DDX60: variants seen among roughly 807,000 people sequenced by gnomAD.
The protein encoded by DDX60 is DExD/H-box helicase 60, also known as probable ATP-dependent RNA helicase DDX60.
A neutral mutation model predicts 212.8 loss-of-function variants in DDX60; 165 were observed. The observed-to-expected ratio is 0.78, with a 90% CI of 0.68 to 0.88. The LOEUF is 0.88. Among genes scored for constraint, DDX60 ranks in the 40% least tolerant of loss-of-function variants. The probability of loss-of-function intolerance (pLI) is 0.00; values close to 1 mark genes in which losing one functional copy is unlikely to be tolerated. For missense variants in DDX60, 1,905 were observed against 2,003.9 expected, an observed-to-expected ratio of 0.95 and a Z score of 0.94; for synonymous variants, 703 against 685.3, an observed-to-expected ratio of 1.03 and a Z score of -0.40.
intron 30 of DDX60, 92 bp downstream of exon 30, chr4:168,246,326 G>T: frequency 7.0e-7 from 1 of 1,429,176 alleles, no homozygotes. Context: ...AAACTCAAGG[G>T]TGATTGCTAC....
intron 18 of DDX60, among the ~76,000 whole-genome samples, chr4:168,272,476 T>C (rs781318905): frequency 8.5e-5 from 13 of 152,224 alleles, no homozygotes; most frequent in East Asian, 3.8e-4. Context: ...GATTGAAAGA[T>C]GTTTATTAAG....
At position 168,251,033 on chromosome 4, in the gene DDX60, C is replaced by T. The variant is rs1734202340; in HGVS notation, c.3779G>A (p.Gly1260Asp). The T allele has an allele frequency of 1.2e-6, 2 of 1,612,622 alleles. No homozygotes were observed. Among genetic ancestry groups the T allele is most frequent in the Non-Finnish European group, 1.7e-6 (2 of 1,178,922 alleles). Reference sequence around the variant, plus strand: ...CATAGCACTGTGATGATATCCAATACCCCTTTCTGCCAAGGCTTTCAATTC... The same window carrying T: ...CATAGCACTGTGATGATATCCAATATCCCTTTCTGCCAAGGCTTTCAATTC... Reference protein sequence around the residue: ...GEELKALAERGIGYHHSAMSF... With the variant: ...GEELKALAERDIGYHHSAMSF... Residue 1260 changes from glycine to aspartate, a missense_variant, in exon 28 of 38, where the codon GGT becomes GAT. Physicochemically the swap from Gly to Asp is moderately conservative, Grantham distance 94. Transcript: ENST00000393743.
intron 6 of DDX60, among the ~76,000 whole-genome samples, chr4:168,294,543 C>T (rs1437518456): frequency 1.3e-5 from 2 of 152,028 alleles, no homozygotes; most frequent in Non-Finnish European, 2.9e-5. Context: ...CTCTATCACC[C>T]AGACTGGAGT....
intron 33 of DDX60, among the ~76,000 whole-genome samples, chr4:168,225,906 T>C (rs1578968669): frequency 1.3e-5 from 2 of 152,206 alleles, no homozygotes; most frequent in Admixed American, 1.3e-4. Context: ...CCCTTAAAAA[T>C]GTATTTTGAC....
In DDX60 at chr4:168,248,291, A is replaced by G. The variant is rs761241287; in HGVS notation, c.3860T>C (p.Val1287Ala). Residue 1287 changes from valine (V) to alanine (A), a missense_variant and splice_region_variant, in exon 29 of 38, where the codon GTG (valine) becomes GCG (alanine). Physicochemically the swap from Val to Ala is moderately conservative, Grantham distance 64 (BLOSUM62 0). Transcript: ENST00000393743. ...EILFRKGYLR[V>A]VTATGTLALG... The stretch of plus-strand genomic sequence containing the variant: ...AGCAAGTGTTCCAGTAGCTGTCACC[A>G]CCTTGAAAGAGAATAAAACAATTAC... The G allele has an allele frequency of 1.3e-5, 21 of 1,587,246 alleles. No homozygotes were observed. The highest frequency in any genetic ancestry group is 1.8e-5 in the Admixed American group (1 of 54,084).
chr4:168,296,512 C>T (rs1244027545), intron 6 of DDX60, among the ~76,000 whole-genome samples: 1 of 152,064 alleles, frequency 6.6e-6, no homozygotes, highest in African/African-American at 2.4e-5. Context: ...AAACCACTCA[C>T]CCACTACCAA....
At chr4:168,237,007 G>T (rs2149496371) in intron 32 of DDX60, among the ~76,000 whole-genome samples, 1 of 151,232 alleles carries the variant, frequency 6.6e-6, no homozygotes, top group East Asian at 1.9e-4. Flanking sequence ...TTTCTAAAAA[G>T]TGTATATTAT....
At chr4:168,224,052 C>T (rs917653529) in intron 35 of DDX60, among the ~76,000 whole-genome samples, 191 bp downstream of exon 35, 5 of 151,952 alleles carry the variant, frequency 3.3e-5, no homozygotes, top group Non-Finnish European at 5.9e-5. Context: ...GCAGGGTCCT[C>T]AGGCCAACTC....
intron 8 of DDX60, 129 bp downstream of exon 8, chr4:168,291,619 A>G (rs1736106969): frequency 1.6e-6 from 1 of 639,048 alleles, no homozygotes; most frequent in Non-Finnish European, 2.4e-6. Flanking sequence ...TGACTGATGT[A>G]GCCCATTAAA....
At chr4:168,240,915 C>T (rs999102812) in intron 30 of DDX60, among the ~76,000 whole-genome samples, 26 of 152,164 alleles carry the variant, frequency 1.7e-4, no homozygotes, top group African/African-American at 3.9e-4. Flanking sequence ...TGGCTGTGTA[C>T]CCACCCAAAT....
chr4:168,250,854 AG>A, intron 28 of DDX60, 99 bp downstream of exon 28: 1 of 1,048,212 alleles, frequency 9.5e-7, no homozygotes, highest in Non-Finnish European at 1.4e-6. Context: ...CAATTACATG[AG>A]AAAAAAAGAA....
At chr4:168,263,464 T>A (rs1016455545) in intron 22 of DDX60, 1 of 152,238 alleles carries the variant, frequency 6.6e-6, no homozygotes, top group East Asian at 1.9e-4. Context: ...TGTAGAAACA[T>A]ACTCTCTGAG....
At position 168,276,061 on chromosome 4, in the gene DDX60, T is replaced by G; in HGVS notation, c.2099A>C (p.Lys700Thr). ...DDRQLIARCL[K>T]YLGFDELASS... Reference sequence around the variant, plus strand: ...TGCCAACTCATCAAATCCTAAATACTTAAGGCATCTGGCTATGAGTTGCCG... The same window carrying G: ...TGCCAACTCATCAAATCCTAAATACGTAAGGCATCTGGCTATGAGTTGCCG... The change falls in exon 15 of 38, where the codon AAG (lysine) becomes ACG (threonine). Residue 700 changes from lysine (K) to threonine (T), a missense_variant. Transcript: ENST00000393743. 1 of 1,613,628 alleles carries G rather than the reference T, an allele frequency of 6.2e-7. No individual in the cohort carries two copies. The highest frequency in any genetic ancestry group is 1.7e-4 in the Middle Eastern group (1 of 6,056).
chr4:168,288,418 C>T, intron 8 of DDX60, 103 bp from the exon 9 acceptor site: 1 of 786,472 alleles, frequency 1.3e-6, no homozygotes, highest in Admixed American at 3.6e-5. Context: ...CAGGATCATT[C>T]CAATCCTTGT....
At chr4:168,237,634 A>G (rs1733675352) in intron 31 of DDX60, 57 bp downstream of exon 31, 1 of 1,428,372 alleles carries the variant, frequency 7.0e-7, no homozygotes, top group Admixed American at 1.9e-5. Flanking sequence ...TCAGCATGAT[A>G]AGAAATCTAG....
chr4:168,216,920 ATAGACTTTGTTTT>A lies in DDX60; in HGVS notation c.5139_*12del. 1.3e-6 allele frequency: 2 copies of A among 1,556,122 alleles called. No individual in the cohort carries two copies. The highest frequency in any genetic ancestry group is 1.9e-5 in the Admixed American group (1 of 53,226). On this transcript the variant is annotated stop_lost and 3_prime_UTR_variant, in exon 38 of 38. Coordinates refer to ENST00000393743, the MANE Select transcript of DDX60 (RefSeq NM_017631.6). ...ATGGAATTATTTTTAAGTGGTTTGC[ATAGACTTTGTTTT>A]TAGACTTTGTTTAACTTTTCCCAAA...
chr4:168,269,426 G>A (rs903360501), intron 19 of DDX60, among the ~76,000 whole-genome samples: 7 of 151,924 alleles, frequency 4.6e-5, no homozygotes, highest in Admixed American at 2.6e-4. Context: ...GTGAAACCCC[G>A]TCTCCACTAA....
At position 168,216,713 on chromosome 4, in the gene DDX60, C is replaced by A. The variant is rs565866299; in HGVS notation, c.*220G>T. The A allele has an allele frequency of 1.6e-5, 6 of 377,324 alleles. No homozygotes were observed. The East Asian group carries it at 2.8e-4, about 18-fold the overall frequency. The allele number at this position is 377,324 out of a possible 1,614,324, so 23.4% of individuals were successfully genotyped here. A position where few individuals can be genotyped will look rare whatever the true frequency, so the allele number is the denominator to read the frequency against. On this transcript the variant is annotated 3_prime_UTR_variant, in exon 38 of 38. Transcript: ENST00000393743. ...TTATTACTCAGTTATAAAAAGAAAC[C>A]AAGATTCAGGTATACTAAATAATTT...
At chr4:168,272,927 C>A (rs998192967) in intron 18 of DDX60, among the ~76,000 whole-genome samples, 1 of 152,114 alleles carries the variant, frequency 6.6e-6, no homozygotes, top group Non-Finnish European at 1.5e-5. Context: ...TCATGAGTAT[C>A]CTTAATAGAT....
Sources: allele counts gnomAD v4.1 joint callset (sites outside exome capture counted in the v4.1 genomes callset), GRCh38; gene constraint gnomAD v4.1.1; transcripts MANE v1.5; gene names NCBI Gene and HGNC (gene_info 2026-07-23, HGNC 2026-07-21).